Variants in SSH1 observed in about 807,000 individuals in gnomAD.
The protein encoded by SSH1 is protein phosphatase Slingshot homolog 1.
A neutral mutation model predicts 79.7 loss-of-function variants in SSH1; 43 were observed. The ratio of observed to expected loss-of-function variants is 0.54; its 90% CI spans 0.42 to 0.70. The LOEUF (loss-of-function observed/expected upper bound fraction) is 0.70, where lower values mean the gene tolerates loss of function less well. Among genes scored for constraint, SSH1 ranks in the 30% least tolerant of loss-of-function variants. The pLI is 0.00. For synonymous variants in SSH1, 599 were observed against 538.3 expected (o/e 1.11, Z -1.56); for missense variants, 1,206 against 1,358.8 (o/e 0.89, Z 1.77).
At chr12:108,800,407 GGC>G (rs1290917329) in intron 12 of SSH1, among the ~76,000 whole-genome samples, 2 of 152,092 alleles carry the variant, frequency 1.3e-5, no homozygotes, top group Non-Finnish European at 2.9e-5. Context: ...AGCCCTCTTT[GGC>G]TCAGTGACTT....
intron 2 of SSH1, among the ~76,000 whole-genome samples, chr12:108,838,218 A>T (rs535664935): frequency 1.8e-4 from 28 of 152,290 alleles, no homozygotes; most frequent in African/African-American, 6.5e-4. Flanking sequence ...ATATTTCATG[A>T]CTTTGCCCTT....
intron 2 of SSH1, chr12:108,827,364 A>G (rs920725833): frequency 2.6e-6 from 4 of 1,543,368 alleles, no homozygotes; most frequent in African/African-American, 1.4e-5. Context: ...CAGTGCTCAC[A>G]TCTCTAACGC....
chr12:108,801,024 C>A, intron 11 of SSH1, 98 bp from the exon 12 acceptor site: 1 of 1,249,112 alleles, frequency 8.0e-7, no homozygotes, highest in Non-Finnish European at 1.2e-6. Context: ...AGGAAACACA[C>A]ATTAACCAAG....
At chr12:108,846,501 C>T (rs1430898109) in intron 2 of SSH1, among the ~76,000 whole-genome samples, 2 of 152,188 alleles carry the variant, frequency 1.3e-5, no homozygotes, top group Non-Finnish European at 1.5e-5. Context: ...AGAGGGACTA[C>T]GAGCGGCCAG....
intron 9 of SSH1, 111 bp from the exon 10 acceptor site, chr12:108,805,295 G>GT: frequency 8.1e-7 from 1 of 1,240,254 alleles, no homozygotes; most frequent in South Asian, 1.3e-5. Context: ...AAAGGTGGGT[G>GT]TTTTTTCTCT....
rs2037347082 is a variant in SSH1, at chr12:108,807,575, G to C, written c.731+58C>G. 1.9e-6 allele frequency: 3 copies of C among 1,565,370 alleles called. No homozygotes were observed. Among genetic ancestry groups the C allele is most frequent in the Non-Finnish European group, 1.8e-6 (2 of 1,138,738 alleles). On this transcript the variant is annotated intron_variant, in intron 8 of 14. Transcript: ENST00000326495. This position sits in a 1 kb window ranked among gnomAD's most constrained non-coding sequence, Gnocchi z 5.2. ...TTCAGGGTCGGGCACAGGGCAGGTG[G>C]GGGAGAGGCAGGTGCCTGTGGGCTT...
At chr12:108,847,530 C>T (rs780345731) in intron 2 of SSH1, among the ~76,000 whole-genome samples, 4 of 152,152 alleles carry the variant, frequency 2.6e-5, no homozygotes, top group Non-Finnish European at 5.9e-5. Context: ...GTGACGCAAA[C>T]TCGGCTCACT....
chr12:108,831,022 CGT>C (rs1233599901), intron 2 of SSH1, among the ~76,000 whole-genome samples: 1 of 151,874 alleles, frequency 6.6e-6, no homozygotes, highest in African/African-American at 2.4e-5. Flanking sequence ...TTCACAAAAC[CGT>C]GTGGAAGACC....
intron 10 of SSH1, among the ~76,000 whole-genome samples, chr12:108,803,074 G>A (rs1331214780): frequency 2.6e-5 from 4 of 151,650 alleles, no homozygotes; most frequent in Non-Finnish European, 1.5e-5. Flanking sequence ...AAGAGAGGAG[G>A]ATACAGGACT....
chr12:108,821,216 T>TACAC lies in SSH1; in HGVS notation c.214+2038_214+2041dup, dbSNP rs34074449. ...GCAACATAGTGAGTGAGACCTCATC[T>TACAC]ACACACACACACACACACACACACA... On this transcript the variant is annotated intron_variant, in intron 3 of 14. Transcript: ENST00000326495. Among the ~76,000 whole-genome samples, 456 of 147,688 alleles carry TACAC rather than the reference T, an allele frequency of 3.1e-3. 3 individuals are homozygous for TACAC. Among genetic ancestry groups the TACAC allele is most frequent in the African/African-American group, 4.5e-3 (178 of 39,988 alleles).
chr12:108,788,147 G>A lies in SSH1; in HGVS notation c.2991C>T (p.Asp997=). The change falls in exon 15 of 15, where the codon GAC becomes GAT. Residue 997 remains aspartate (D), a synonymous_variant. Transcript: ENST00000326495. ...FSTEDLSSEA[D]PSTVADSQDT... ...CCTGGGAGTCAGCGACGGTGGACGG[G>A]TCAGCCTCACTGGACAGGTCTTCCG... 1 of 1,614,030 alleles carries A rather than the reference G, an allele frequency of 6.2e-7. No homozygotes were observed. The highest frequency in any genetic ancestry group is 8.5e-7 in the Non-Finnish European group (1 of 1,180,020).
intron 2 of SSH1, chr12:108,826,223 G>C: frequency 2.2e-6 from 1 of 445,802 alleles, no homozygotes; most frequent in Non-Finnish European, 4.5e-6. Context: ...AAGGAACAAT[G>C]CAACAGACTA....
intron 12 of SSH1, 88 bp downstream of exon 12, chr12:108,800,692 A>C (rs2036958844): frequency 1.9e-6 from 3 of 1,551,392 alleles, no homozygotes; most frequent in African/African-American, 2.7e-5. Context: ...CCACCAGCCG[A>C]CTTCTGCATC....
chr12:108,803,107 C>T (rs548846025), intron 10 of SSH1, among the ~76,000 whole-genome samples: 1 of 152,098 alleles, frequency 6.6e-6, no homozygotes, highest in African/African-American at 2.4e-5. Context: ...ACAGTATGAT[C>T]CTTTCTTTCT....
At chr12:108,794,295 G>C (rs2136995252) in intron 13 of SSH1, among the ~76,000 whole-genome samples, 1 of 152,330 alleles carries the variant, frequency 6.6e-6, no homozygotes, top group South Asian at 2.1e-4. Context: ...TGGGGTACTG[G>C]AACTACGGTG....
At chr12:108,854,596 C>T (rs1213348759) in intron 1 of SSH1, among the ~76,000 whole-genome samples, 1 of 152,200 alleles carries the variant, frequency 6.6e-6, no homozygotes, top group Non-Finnish European at 1.5e-5. Context: ...GAAAGCACTG[C>T]CCTAAGTGTC....
chr12:108,855,765 G>A (rs1240532997), intron 1 of SSH1, among the ~76,000 whole-genome samples: 1 of 152,204 alleles, frequency 6.6e-6, no homozygotes, highest in African/African-American at 2.4e-5. Flanking sequence ...CTCAGTAGCA[G>A]GCTATTGATC....
At chr12:108,852,577 A>G in intron 2 of SSH1, 61 bp downstream of exon 2, 2 of 1,599,320 alleles carry the variant, frequency 1.3e-6, no homozygotes, top group Non-Finnish European at 1.7e-6. Context: ...GGAGAGGAAC[A>G]AGAGCATTCC....
intron 2 of SSH1, among the ~76,000 whole-genome samples, chr12:108,844,226 G>T (rs991391478): frequency 7.9e-5 from 12 of 151,858 alleles, no homozygotes; most frequent in African/African-American, 2.7e-4. Flanking sequence ...GACAGACACA[G>T]GAGCCAAACC....
Sources: gnomAD v4.1 joint callset for allele counts (sites outside exome capture counted in the v4.1 genomes callset) on GRCh38, gnomAD v4.1.1 for gene constraint, Gnocchi (gnomAD v3.1) non-coding constraint, MANE v1.5 for transcripts, NCBI Gene and HGNC (gene_info 2026-07-23, HGNC 2026-07-21) for gene names.